MICU3: variants seen among roughly 807,000 people sequenced by gnomAD.
MICU3 encodes the protein calcium uptake protein 3, mitochondrial.
A neutral mutation model predicts 66.5 loss-of-function variants in MICU3; 62 were observed. That is an observed-to-expected ratio of 0.93 (90% CI 0.76 to 1.15). MICU3 has a LOEUF of 1.15. Ranked by LOEUF, MICU3 falls within the 50% of genes most tolerant of loss-of-function variation. The pLI is 0.00. For missense variants in MICU3, 779 were observed against 664.4 expected, an observed-to-expected ratio of 1.17 and a Z score of -1.90; for synonymous variants, 308 against 240.7, an observed-to-expected ratio of 1.28 and a Z score of -2.59.
intron 11 of MICU3, 53 bp from the exon 12 acceptor site, chr8:17,114,040 T>TCGTCG: frequency 8.5e-7 from 1 of 1,179,990 alleles, no homozygotes; most frequent in Non-Finnish European, 1.2e-6. Context: ...TAGATCCTGA[T>TCGTCG]TTTAATAAAT....
intron 1 of MICU3, 82 bp from the exon 2 acceptor site, chr8:17,064,002 C>T: frequency 9.9e-7 from 1 of 1,009,856 alleles, no homozygotes; most frequent in Non-Finnish European, 1.4e-6. Flanking sequence ...TCTGTTTATT[C>T]ACTTTCAACA....
intron 8 of MICU3, 50 bp from the exon 9 acceptor site, chr8:17,098,391 GTGTATAAATTATCATTC>G: frequency 9.6e-7 from 1 of 1,040,558 alleles, no homozygotes; most frequent in Non-Finnish European, 1.5e-6. Context: ...TAGATTTAAA[GTGTATAAATTATCATTC>G]TTTGTAACTA....
intron 11 of MICU3, among the ~76,000 whole-genome samples, chr8:17,107,336 T>C (rs1156587567): frequency 1.3e-5 from 2 of 152,094 alleles, no homozygotes; most frequent in African/African-American, 4.8e-5. Flanking sequence ...GGTAAAGTCT[T>C]CTAGACAGAG....
At chr8:17,060,283 G>A (rs1817619252) in intron 1 of MICU3, among the ~76,000 whole-genome samples, 2 of 146,088 alleles carry the variant, frequency 1.4e-5, no homozygotes, top group South Asian at 4.4e-4. Context: ...GGTTATCATG[G>A]GGAAACTGTT....
In MICU3 at chr8:17,027,548, G is replaced by GGGCCGGCT; in HGVS notation, c.270_277dup (p.Ser93TrpfsTer49). 7.8e-7 allele frequency: 1 copy of GGGCCGGCT among 1,281,332 alleles called. No individual in the cohort carries two copies. The highest frequency in any genetic ancestry group is 9.8e-7 in the Non-Finnish European group (1 of 1,016,420). 79.4% of individuals were successfully genotyped at this position (1,281,332 alleles called of 1,614,324 possible). On this transcript the variant is annotated frameshift_variant, in exon 1 of 15. Transcript: ENST00000318063. LOFTEE classifies it high-confidence loss of function. ...TGCTACCAGCTGTACGGGGACCCCA[G>GGGCCGGCT]GGCCGGCTCGCCGGCGACCGGGCGA...
At chr8:17,042,738 A>T (rs1473830330) in intron 1 of MICU3, among the ~76,000 whole-genome samples, 1 of 151,872 alleles carries the variant, frequency 6.6e-6, no homozygotes, top group Non-Finnish European at 1.5e-5. Flanking sequence ...CCCTTCTAAA[A>T]CTCCATTTCT....
intron 2 of MICU3, among the ~76,000 whole-genome samples, chr8:17,067,123 A>G (rs1208315804): frequency 1.3e-5 from 2 of 152,232 alleles, no homozygotes; most frequent in Non-Finnish European, 2.9e-5. Context: ...CAAGATATTC[A>G]TAAATCCTGT....
Position 17,105,386 on chromosome 8 carries a change from T to A in MICU3, c.1086-27T>A, listed in dbSNP as rs1475274409. ...TACGATTACTCTTTCTTTATCTTTT[T>A]CCTTCTTTATTACATTTTTGTCATA... On this transcript the variant is annotated intron_variant, in intron 10 of 14. Transcript: ENST00000318063. 2.9e-6 allele frequency: 4 copies of A among 1,374,352 alleles called. No individual in the cohort carries two copies. In the South Asian group the frequency reaches 5.3e-5, roughly 18 times the overall value. The allele number at this position is 1,374,352 out of a possible 1,614,324, so 85.1% of individuals were successfully genotyped here.
At chr8:17,058,161 G>T (rs1249653387) in intron 1 of MICU3, among the ~76,000 whole-genome samples, 1 of 152,146 alleles carries the variant, frequency 6.6e-6, no homozygotes, top group Non-Finnish European at 1.5e-5. Context: ...AGTTTTTACT[G>T]CATTGGCAAT....
intron 3 of MICU3, among the ~76,000 whole-genome samples, chr8:17,076,976 A>G (rs1394133927): frequency 6.6e-6 from 1 of 152,092 alleles, no homozygotes; most frequent in African/African-American, 2.4e-5. Flanking sequence ...TCTTTTAATC[A>G]TTTTTCTTCA....
chr8:17,054,328 G>A (rs886293555), intron 1 of MICU3, among the ~76,000 whole-genome samples: 14 of 152,000 alleles, frequency 9.2e-5, no homozygotes, highest in Non-Finnish European at 1.6e-4. Context: ...TTTCAGAATG[G>A]ATTTTACTAT....
chr8:17,104,644 C>T (rs902750308), intron 10 of MICU3, among the ~76,000 whole-genome samples, 153 bp downstream of exon 10: 2 of 151,886 alleles, frequency 1.3e-5, no homozygotes, highest in African/African-American at 4.8e-5. Context: ...TTATCAGTAC[C>T]TACATACCAG....
chr8:17,038,045 C>T (rs1813351313), intron 1 of MICU3, among the ~76,000 whole-genome samples: 2 of 152,146 alleles, frequency 1.3e-5, no homozygotes, highest in South Asian at 2.1e-4. Flanking sequence ...TTTATAGGCT[C>T]ATAGGCAGAA....
intron 1 of MICU3, among the ~76,000 whole-genome samples, chr8:17,029,720 C>T (rs576192541): frequency 6.6e-5 from 10 of 152,048 alleles, no homozygotes; most frequent in Admixed American, 6.5e-5. Flanking sequence ...TAATGAGCTT[C>T]GGGATGTGTA....
intron 1 of MICU3, among the ~76,000 whole-genome samples, chr8:17,063,228 G>C (rs549731286): frequency 5.3e-5 from 8 of 151,760 alleles, no homozygotes; most frequent in African/African-American, 1.9e-4. Context: ...AATTTTATAC[G>C]GTAACTACTA....
chr8:17,137,786 G>A, the MICU3 span, among the ~76,000 whole-genome samples: 2 of 145,578 alleles, frequency 1.4e-5, no homozygotes, highest in East Asian at 2.0e-4. Flanking sequence ...GCACAATCTC[G>A]GCTCACTGCA....
intron 1 of MICU3, among the ~76,000 whole-genome samples, chr8:17,031,063 T>A (rs1811950897): frequency 6.6e-6 from 1 of 151,980 alleles, no homozygotes; most frequent in Non-Finnish European, 1.5e-5. Flanking sequence ...ATCTGCCATT[T>A]TTCAGAAATA....
At chr8:17,060,801 A>AT (rs35051264) in intron 1 of MICU3, among the ~76,000 whole-genome samples, 1,446 of 142,290 alleles carry the variant, frequency 0.01, 21 homozygotes, top group African/African-American at 0.029. Context: ...TTAGGATATA[A>AT]TTTTTTTTTT....
chr8:17,075,122 A>G (rs1307000723), intron 3 of MICU3, among the ~76,000 whole-genome samples: 4 of 152,156 alleles, frequency 2.6e-5, no homozygotes, highest in Non-Finnish European at 5.9e-5. Flanking sequence ...CCAGATGAAG[A>G]GAGAGGGCAA....
Sources: allele counts gnomAD v4.1 joint callset (sites outside exome capture counted in the v4.1 genomes callset), GRCh38; gene constraint gnomAD v4.1.1; transcripts MANE v1.5; gene names NCBI Gene and HGNC (gene_info 2026-07-23, HGNC 2026-07-21).